TMEM116: variants seen among roughly 807,000 people sequenced by gnomAD.
TMEM116 encodes transmembrane protein 116.
Under a neutral mutation model 44.3 loss-of-function variants are expected in TMEM116, and 38 were observed. The observed-to-expected ratio is 0.86, with a 90% CI of 0.66 to 1.12. TMEM116 has a LOEUF of 1.12. Ranked by LOEUF, TMEM116 falls within the 50% of genes most tolerant of loss-of-function variation. The pLI is 0.00. For missense variants in TMEM116, 354 were observed against 401.7 expected, an observed-to-expected ratio of 0.88 and a Z score of 1.01; for synonymous variants, 132 against 144.8, an observed-to-expected ratio of 0.91 and a Z score of 0.64.
intron 5 of TMEM116, among the ~76,000 whole-genome samples, chr12:111,940,544 TACACAC>T (rs201721660): frequency 1.8e-4 from 15 of 84,528 alleles, no homozygotes; most frequent in South Asian, 6.7e-4. Context: ...TATATATATA[TACACAC>T]ACACATATAT....
chr12:111,943,959 G>A (rs918879798), intron 4 of TMEM116, among the ~76,000 whole-genome samples: 1 of 152,040 alleles, frequency 6.6e-6, no homozygotes. Flanking sequence ...CCACTTTTAC[G>A]AAGATATCAT....
rs534378644 is a variant in TMEM116, at chr12:112,013,020, C to T, written c.-52G>A. On this transcript the variant is annotated 5_prime_UTR_variant, in exon 1 of 11. Transcript: ENST00000552374. Reference sequence around the variant, plus strand: ...GACTGACCGAGGGTTGGAGCGGGTCCCAACCAACTGCCTGACGGCCCAAAG... The same window carrying T: ...GACTGACCGAGGGTTGGAGCGGGTCTCAACCAACTGCCTGACGGCCCAAAG... The T allele has an allele frequency of 6.2e-6, 1 of 161,492 alleles. No homozygotes were observed. Among genetic ancestry groups the T allele is most frequent in the African/African-American group, 2.4e-5 (1 of 41,916 alleles). 10.0% of individuals were successfully genotyped at this position (161,492 alleles called of 1,614,324 possible).
chr12:111,943,555 C>CA (rs2073031586), intron 4 of TMEM116, among the ~76,000 whole-genome samples, 186 bp from the exon 5 acceptor site: 1 of 152,062 alleles, frequency 6.6e-6, no homozygotes, highest in Non-Finnish European at 1.5e-5. Flanking sequence ...GTGTATGTGA[C>CA]AGAGTTTTCG....
chr12:112,000,242 C>T (rs7308587), intron 3 of TMEM116, among the ~76,000 whole-genome samples: 32,442 of 152,008 alleles, frequency 0.21, 5,574 homozygotes, highest in East Asian at 0.85. Flanking sequence ...AAAATAAAAT[C>T]ACTCAAATTA....
At chr12:111,980,172 C>T (rs1593509132) in intron 4 of TMEM116, among the ~76,000 whole-genome samples, 1 of 152,136 alleles carries the variant, frequency 6.6e-6, no homozygotes, top group Non-Finnish European at 1.5e-5. Flanking sequence ...AAACTAGAAG[C>T]AACCAAGATG....
chr12:112,004,802 T>G (rs1224164746), intron 2 of TMEM116, among the ~76,000 whole-genome samples: 1 of 151,852 alleles, frequency 6.6e-6, no homozygotes, highest in Non-Finnish European at 1.5e-5. Context: ...TTTTTTTGTT[T>G]GTTTTGTTTT....
chr12:111,946,080 T>G (rs1168053194), intron 4 of TMEM116, among the ~76,000 whole-genome samples: 1 of 152,264 alleles, frequency 6.6e-6, no homozygotes, highest in Non-Finnish European at 1.5e-5. Flanking sequence ...GCTTTATGTT[T>G]AGAACAATGT....
intron 1 of TMEM116, among the ~76,000 whole-genome samples, chr12:112,008,975 CAAAAA>C (rs762535414): frequency 1.5e-5 from 1 of 67,784 alleles, no homozygotes; most frequent in Non-Finnish European, 3.1e-5. Flanking sequence ...AACTCCATTT[CAAAAA>C]AAAAAAAAAA....
rs1317265387 is a variant in TMEM116 at position 112,005,272 on chromosome 12, AC to A, written c.-3del. On this transcript the variant is annotated 5_prime_UTR_variant, in exon 2 of 11. Coordinates refer to ENST00000552374, the MANE Select transcript of TMEM116 (RefSeq NM_001193531.2). ...ATAAACATACCTCAGAGTAGCCATG[AC>A]AAATTGTATCCACTGTATTGCAGGA... 2 of 1,341,260 alleles carry A rather than the reference AC, an allele frequency of 1.5e-6. No individual in the cohort carries two copies. Among genetic ancestry groups the A allele is most frequent in the Non-Finnish European group, 1.9e-6 (2 of 1,050,860 alleles). The allele number at this position is 1,341,260 out of a possible 1,614,324, so 83.1% of individuals were successfully genotyped here.
At chr12:112,004,179 C>T (rs2077443422) in intron 2 of TMEM116, among the ~76,000 whole-genome samples, 1 of 152,010 alleles carries the variant, frequency 6.6e-6, no homozygotes, top group African/African-American at 2.4e-5. Context: ...TAGGGTCTTG[C>T]TATGTTGCCC....
intron 3 of TMEM116, among the ~76,000 whole-genome samples, chr12:111,999,217 G>A (rs1366950456): frequency 1.4e-5 from 2 of 147,930 alleles, no homozygotes; most frequent in African/African-American, 5.3e-5. Flanking sequence ...ATATACATTT[G>A]TATTTGTCCT....
chr12:111,988,252 G>A (rs1195871890), intron 4 of TMEM116, among the ~76,000 whole-genome samples: 1 of 152,198 alleles, frequency 6.6e-6, no homozygotes, highest in Non-Finnish European at 1.5e-5. Flanking sequence ...TGTGGTTATA[G>A]TTGTATAACA....
chr12:111,995,152 T>G (rs1226279129), intron 3 of TMEM116, among the ~76,000 whole-genome samples: 1 of 152,206 alleles, frequency 6.6e-6, no homozygotes, highest in Non-Finnish European at 1.5e-5. Flanking sequence ...CAGGAGCATT[T>G]CATCTTTTAT....
At chr12:111,945,667 C>G (rs1040953234) in intron 4 of TMEM116, among the ~76,000 whole-genome samples, 1 of 152,048 alleles carries the variant, frequency 6.6e-6, no homozygotes, top group African/African-American at 2.4e-5. Flanking sequence ...GTTAAACTCC[C>G]AGAGACACAA....
Position 111,938,306 on chromosome 12 carries a change from G to C in TMEM116, c.316-96C>G, listed in dbSNP as rs1025481769. 1.7e-5 allele frequency: 16 copies of C among 942,356 alleles called. No individual in the cohort carries two copies. In the African/African-American group the frequency reaches 2.2e-4, roughly 13 times the overall value. The allele number at this position is 942,356 out of a possible 1,614,324, so 58.4% of individuals were successfully genotyped here. A position where few individuals can be genotyped will look rare whatever the true frequency, so the allele number is the denominator to read the frequency against. On this transcript the variant is annotated intron_variant, in intron 5 of 10. Transcript: ENST00000552374. Reference sequence around the variant, plus strand: ...CAGTTAACACTCAATAGAACAAAAAGATTTCCAAAAGCCAGTTTGCTTCTG... The same window carrying C: ...CAGTTAACACTCAATAGAACAAAAACATTTCCAAAAGCCAGTTTGCTTCTG...
At chr12:111,979,259 T>A (rs2075825814) in intron 4 of TMEM116, among the ~76,000 whole-genome samples, 2 of 152,192 alleles carry the variant, frequency 1.3e-5, no homozygotes, top group East Asian at 3.9e-4. Flanking sequence ...ATGAATAAAT[T>A]GTGTATACAT....
At chr12:112,000,995 A>G in intron 3 of TMEM116, 1 of 245,640 alleles carries the variant, frequency 4.1e-6, no homozygotes, top group Non-Finnish European at 8.3e-6. Flanking sequence ...TGACCATCCA[A>G]GCTCCCGTGA....
At chr12:111,964,101 A>C (rs2074809516) in intron 4 of TMEM116, among the ~76,000 whole-genome samples, 1 of 150,406 alleles carries the variant, frequency 6.6e-6, no homozygotes, top group African/African-American at 2.4e-5. Flanking sequence ...GGACCCACTG[A>C]ACTACTTCTC....
intron 4 of TMEM116, among the ~76,000 whole-genome samples, chr12:111,945,984 G>A (rs747988725): frequency 2.0e-5 from 3 of 152,144 alleles, no homozygotes; most frequent in Non-Finnish European, 2.9e-5. Flanking sequence ...AGTGTTCTGA[G>A]CATGTTTAAG....
Sources: allele counts gnomAD v4.1 joint callset (sites outside exome capture counted in the v4.1 genomes callset), GRCh38; gene constraint gnomAD v4.1.1; transcripts MANE v1.5; gene names NCBI Gene and HGNC (gene_info 2026-07-23, HGNC 2026-07-21).